DOCK2: variants seen among roughly 807,000 people sequenced by gnomAD.
DOCK2 encodes dedicator of cytokinesis protein 2.
DOCK2 carries 87 observed loss-of-function variants against 248.9 expected under a neutral mutation model. The observed-to-expected ratio is 0.35, with a 90% confidence interval of 0.29 to 0.42. DOCK2 has a LOEUF of 0.42. Among genes scored for constraint, DOCK2 ranks in the 10% least tolerant of loss-of-function variants. The pLI is 1.00. For missense variants in DOCK2, 1,747 were observed against 2,300.2 expected, an observed-to-expected ratio of 0.76 and a Z score of 4.92; for synonymous variants, 805 against 821.6, an observed-to-expected ratio of 0.98 and a Z score of 0.35.
rs375137433 is a variant in DOCK2, at chr5:170,034,279, G to A, written c.3468-120G>A. On this transcript the variant is annotated intron_variant, in intron 34 of 51. Transcript: ENST00000520908. ...ATACATGAATAAATGAACAAAAGGA[G>A]CAGTCAGGGAACTTGGGTTGACTGA... 4.6e-4 allele frequency: 560 copies of A among 1,213,970 alleles called. 10 individuals are homozygous for A. The South Asian group carries it at 8.1e-3, about 18-fold the overall frequency. 75.2% of individuals were successfully genotyped at this position (1,213,970 alleles called of 1,614,324 possible). A position where few individuals can be genotyped will look rare whatever the true frequency, so the allele number is the denominator to read the frequency against.
chr5:170,052,524 T>C (rs1461151884), intron 41 of DOCK2, among the ~76,000 whole-genome samples: 1 of 152,184 alleles, frequency 6.6e-6, no homozygotes, highest in Non-Finnish European at 1.5e-5. Context: ...GAGGGCTTTA[T>C]ATCCTATAAA....
intron 32 of DOCK2, among the ~76,000 whole-genome samples, chr5:170,017,503 T>C (rs1482127607): frequency 6.6e-6 from 1 of 152,198 alleles, no homozygotes; most frequent in Non-Finnish European, 1.5e-5. Context: ...TCAGTTCTGC[T>C]CAATACGGCT....
At chr5:169,944,553 G>A (rs1171544556) in intron 27 of DOCK2, among the ~76,000 whole-genome samples, 1 of 152,218 alleles carries the variant, frequency 6.6e-6, no homozygotes, top group Admixed American at 6.5e-5. Context: ...GTCCTCAGTG[G>A]AATCCCAGCC....
In DOCK2 at chr5:169,654,267, G is replaced by T. The variant is rs888781224; in HGVS notation, c.44-136G>T. 2.6e-5 allele frequency: 23 copies of T among 870,098 alleles called. No individual in the cohort carries two copies. The Admixed American group carries it at 5.8e-4, about 22-fold the overall frequency. 53.9% of individuals were successfully genotyped at this position (870,098 alleles called of 1,614,324 possible). ...GAAATAACTCTTGTGGCAGGCAATA[G>T]GTTTCTGTGTTGGTTTTGTTTAGCC... On this transcript the variant is annotated intron_variant, in intron 1 of 51. Coordinates refer to ENST00000520908, the MANE Select transcript of DOCK2 (RefSeq NM_004946.3).
intron 27 of DOCK2, among the ~76,000 whole-genome samples, chr5:169,893,645 G>A (rs1773424395): frequency 6.6e-6 from 1 of 152,126 alleles, no homozygotes; most frequent in African/African-American, 2.4e-5. Flanking sequence ...GGAAGGGAGA[G>A]AGCAGAAGTG....
intron 27 of DOCK2, among the ~76,000 whole-genome samples, chr5:169,907,525 C>CG (rs1472066372): frequency 6.6e-6 from 1 of 152,136 alleles, no homozygotes; most frequent in Non-Finnish European, 1.5e-5. Flanking sequence ...CACCACTTAG[C>CG]GAAGACTAGT....
chr5:169,764,943 T>C lies in DOCK2; in HGVS notation c.2554+3318T>C, dbSNP rs1561674493. Among the ~76,000 whole-genome samples the C allele has an allele frequency of 6.6e-6, 1 of 152,090 alleles. No individual in the cohort carries two copies. The highest frequency in any genetic ancestry group is 2.1e-4 in the South Asian group (1 of 4,838). On this transcript the variant is annotated intron_variant, in intron 25 of 51. Transcript: ENST00000520908. The surrounding 1 kb of genome is among the most constrained non-coding windows in gnomAD (Gnocchi z 4.3). ...TACATATGCCTGGAAGAAGTAGAGG[T>C]CAAGGTGAAATATTTGTGATTTCTC...
chr5:169,874,659 G>C (rs759629848), intron 27 of DOCK2, among the ~76,000 whole-genome samples: 1 of 152,078 alleles, frequency 6.6e-6, no homozygotes, highest in Non-Finnish European at 1.5e-5. Context: ...CGTTCTTAGC[G>C]TTTGGTCCCT....
At chr5:169,735,752 C>T (rs1373258682) in intron 22 of DOCK2, among the ~76,000 whole-genome samples, 5 of 152,066 alleles carry the variant, frequency 3.3e-5, no homozygotes, top group Admixed American at 2.0e-4. Flanking sequence ...TAAAAGCTGC[C>T]GGTATTAGTC....
At chr5:170,075,857 A>G in intron 46 of DOCK2, 90 bp from the exon 47 acceptor site, 1 of 1,548,858 alleles carries the variant, frequency 6.5e-7, no homozygotes, top group Non-Finnish European at 8.8e-7. Flanking sequence ...CTTAGCAGGC[A>G]GACTTGACTG....
At chr5:170,077,397 C>T (rs1320014186) in intron 47 of DOCK2, among the ~76,000 whole-genome samples, 1 of 152,162 alleles carries the variant, frequency 6.6e-6, no homozygotes, top group Non-Finnish European at 1.5e-5. Flanking sequence ...GTCTTTCTGG[C>T]CATCAGGAGC....
At chr5:169,890,238 A>G (rs73800228) in intron 27 of DOCK2, among the ~76,000 whole-genome samples, 5,254 of 152,210 alleles carry the variant, frequency 0.035, 181 homozygotes, top group African/African-American at 0.088. Flanking sequence ...CAGTTACAGG[A>G]TGCATTTCTA....
At chr5:169,760,955 G>A (rs749198738) in intron 24 of DOCK2, among the ~76,000 whole-genome samples, 2 of 152,196 alleles carry the variant, frequency 1.3e-5, no homozygotes, top group Admixed American at 1.3e-4. Flanking sequence ...TTTGGGAAGA[G>A]CTATCTCCCT....
chr5:169,840,959 T>G (rs1048376959), intron 27 of DOCK2, 107 bp downstream of exon 27: 44 of 1,277,712 alleles, frequency 3.4e-5, no homozygotes, highest in Non-Finnish European at 4.4e-5. Flanking sequence ...GATCATTGCT[T>G]TGTTTTGGAG....
intron 27 of DOCK2, among the ~76,000 whole-genome samples, chr5:169,851,543 G>T (rs1770617506): frequency 6.6e-6 from 1 of 152,194 alleles, no homozygotes; most frequent in Non-Finnish European, 1.5e-5. Flanking sequence ...TGTCACTGCT[G>T]CCATTGCTGT....
intron 28 of DOCK2, 81 bp downstream of exon 28, chr5:169,983,247 C>A: frequency 7.1e-7 from 1 of 1,402,448 alleles, no homozygotes; most frequent in Non-Finnish European, 1.0e-6. Flanking sequence ...GAGAGACCTG[C>A]CTGTCTATCA....
intron 25 of DOCK2, among the ~76,000 whole-genome samples, chr5:169,782,542 A>G (rs1218441307): frequency 1.3e-5 from 2 of 150,690 alleles, no homozygotes; most frequent in Non-Finnish European, 2.9e-5. Flanking sequence ...ATCCTGGGAA[A>G]TGGGTACATC....
At chr5:169,892,346 C>T (rs555891073) in intron 27 of DOCK2, among the ~76,000 whole-genome samples, 49 of 152,354 alleles carry the variant, frequency 3.2e-4, no homozygotes, top group Admixed American at 9.8e-4. Flanking sequence ...CCCCTACACC[C>T]GCACAGCTTC....
At chr5:169,888,561 AC>A (rs1331380337) in intron 27 of DOCK2, among the ~76,000 whole-genome samples, 4 of 152,108 alleles carry the variant, frequency 2.6e-5, no homozygotes, top group African/African-American at 4.8e-5. Context: ...TAGGTTGCAA[AC>A]TGTAGGCTTT....
Sources: gnomAD v4.1 joint callset for allele counts (sites outside exome capture counted in the v4.1 genomes callset) on GRCh38, gnomAD v4.1.1 for gene constraint, Gnocchi (gnomAD v3.1) non-coding constraint, MANE v1.5 for transcripts, NCBI Gene and HGNC (gene_info 2026-07-23, HGNC 2026-07-21) for gene names.